The following FOXJ3 variants were observed in gnomAD, a reference collection of about 807,000 sequenced individuals.
FOXJ3 encodes forkhead box J3, also known as forkhead box protein J3.
A neutral mutation model predicts 76.1 loss-of-function variants in FOXJ3; 22 were observed. That is an observed-to-expected ratio of 0.29 (90% CI 0.21 to 0.41). FOXJ3 has a LOEUF of 0.41. FOXJ3 is among the 10% of genes least tolerant of loss of function. The probability of loss-of-function intolerance (pLI) is 1.00; values close to 1 mark genes in which losing one functional copy is unlikely to be tolerated. For missense variants in FOXJ3, 613 were observed against 762.1 expected, an observed-to-expected ratio of 0.80 and a Z score of 2.30; for synonymous variants, 269 against 261.2, an observed-to-expected ratio of 1.03 and a Z score of -0.29.
In FOXJ3 at chr1:42,183,795, T is replaced by A. The variant is rs190659461; in HGVS notation, c.1646-1771A>T. The stretch of plus-strand genomic sequence containing the variant: ...TTTACCCTCCAGTGGAAAGCCAGAC[T>A]ATCCAGGCTTGAGATGGCCTCAGAG... On this transcript the variant is annotated intron_variant, in intron 11 of 12. Coordinates refer to ENST00000361346, the MANE Select transcript of FOXJ3 (RefSeq NM_014947.5). Among the ~76,000 whole-genome samples, 262 of 152,226 alleles carry A rather than the reference T, an allele frequency of 1.7e-3. 3 individuals are homozygous for A. Among genetic ancestry groups the A allele is most frequent in the African/African-American group, 5.9e-3 (243 of 41,484 alleles).
intron 1 of FOXJ3, among the ~76,000 whole-genome samples, chr1:42,333,117 GAAC>G (rs1298581836): frequency 6.6e-6 from 1 of 151,826 alleles, no homozygotes; most frequent in African/African-American, 2.4e-5. Flanking sequence ...GTATGTATCA[GAAC>G]AACATTCTCC....
intron 12 of FOXJ3, among the ~76,000 whole-genome samples, chr1:42,180,327 C>A (rs905607970): frequency 6.6e-6 from 1 of 152,280 alleles, no homozygotes; most frequent in East Asian, 1.9e-4. Flanking sequence ...CAAGGGAACA[C>A]AGGAAACCAG....
rs1179313572 is a variant in FOXJ3, at chr1:42,177,495, A to T, written c.*2215T>A. 1 of 152,592 alleles carries T rather than the reference A, an allele frequency of 6.6e-6. No individual in the cohort carries two copies. Among genetic ancestry groups the T allele is most frequent in the Non-Finnish European group, 1.5e-5 (1 of 68,028 alleles). The allele number at this position is 152,592 out of a possible 1,614,324, so 9.5% of individuals were successfully genotyped here. A position where few individuals can be genotyped will look rare whatever the true frequency, so the allele number is the denominator to read the frequency against. ...ACAGTGACTTAAGCAAACCATTGAA[A>T]ATCACCCCTCTTTTTTCAAGCATTT... On this transcript the variant is annotated 3_prime_UTR_variant, in exon 13 of 13. Coordinates refer to ENST00000361346, the MANE Select transcript of FOXJ3 (RefSeq NM_014947.5).
chr1:42,331,326 G>A (rs540524258), intron 1 of FOXJ3, among the ~76,000 whole-genome samples: 6 of 152,188 alleles, frequency 3.9e-5, no homozygotes, highest in South Asian at 2.1e-4. Context: ...AGGTTGCAGC[G>A]AGCCGAGATG....
intron 3 of FOXJ3, among the ~76,000 whole-genome samples, chr1:42,267,796 G>A (rs914600057): frequency 1.5e-4 from 23 of 151,932 alleles, no homozygotes; most frequent in Admixed American, 1.2e-3. Flanking sequence ...AAATATAAAC[G>A]ATAGAAATAA....
chr1:42,203,995 C>CA (rs35629903), intron 6 of FOXJ3, among the ~76,000 whole-genome samples: 59,587 of 125,130 alleles, frequency 0.48, 14,923 homozygotes, highest in Non-Finnish European at 0.58. Flanking sequence ...GATCCTGTCT[C>CA]AAAAAAAAAA....
chr1:42,301,851 G>A (rs1654168830), intron 2 of FOXJ3, among the ~76,000 whole-genome samples: 1 of 152,022 alleles, frequency 6.6e-6, no homozygotes. Context: ...GAGTTAGTGT[G>A]ATCCTTCTGG....
At chr1:42,335,506 C>T (rs983158198), upstream of FOXJ3, 1 of 152,382 alleles carries the variant, frequency 6.6e-6, no homozygotes, top group African/African-American at 2.4e-5. Flanking sequence ...GAGGCAACCC[C>T]GCAGTTGAGG....
chr1:42,320,148 TA>T (rs747189919), intron 1 of FOXJ3, among the ~76,000 whole-genome samples: 3 of 152,130 alleles, frequency 2.0e-5, no homozygotes, highest in Non-Finnish European at 4.4e-5. Flanking sequence ...CAGTAGGAAA[TA>T]TACGTAACTG....
chr1:42,252,230 T>C (rs776472396), intron 4 of FOXJ3, among the ~76,000 whole-genome samples: 8 of 152,176 alleles, frequency 5.3e-5, no homozygotes, highest in African/African-American at 7.2e-5. Context: ...CTGGTAGAAT[T>C]TGGCTGTGAA....
intron 2 of FOXJ3, among the ~76,000 whole-genome samples, chr1:42,301,317 T>G (rs1015622348): frequency 3.9e-5 from 6 of 152,042 alleles, no homozygotes; most frequent in African/African-American, 1.4e-4. Context: ...TGCCTCAGCC[T>G]CCAAAGCAGC....
chr1:42,250,160 T>G (rs1263827566), intron 4 of FOXJ3, among the ~76,000 whole-genome samples: 2 of 152,192 alleles, frequency 1.3e-5, no homozygotes, highest in Non-Finnish European at 2.9e-5. Flanking sequence ...TAGAGGAGAC[T>G]AGTGGAAAGT....
chr1:42,191,596 T>G lies in FOXJ3; in HGVS notation c.1058A>C (p.His353Pro). ...HSNQSSLSNS[H>P]GSGLNTTGSN... ...GCCTGTGGTGTTGAGGCCACTGCCA[T>G]GACTGTTGGACAGGCTGCTTTGGTT... Residue 353 changes from histidine (H) to proline (P), a missense_variant, in exon 9 of 13, where the codon CAT becomes CCT. Physicochemically the swap from His to Pro is moderately conservative, Grantham distance 77. Coordinates refer to ENST00000361346, the MANE Select transcript of FOXJ3 (RefSeq NM_014947.5). The G allele has an allele frequency of 1.2e-6, 2 of 1,614,188 alleles. No homozygotes were observed. Among genetic ancestry groups the G allele is most frequent in the African/African-American group, 2.7e-5 (2 of 75,044 alleles).
intron 6 of FOXJ3, 115 bp downstream of exon 6, chr1:42,205,647 A>T (rs1646846621): frequency 1.5e-6 from 1 of 668,540 alleles, no homozygotes; most frequent in Non-Finnish European, 2.6e-6. Context: ...TGCATAGGGT[A>T]GACAAATTTA....
intron 2 of FOXJ3, 110 bp from the exon 3 acceptor site, chr1:42,278,782 C>T (rs1362894965): frequency 1.4e-6 from 1 of 734,836 alleles, no homozygotes; most frequent in East Asian, 2.5e-5. Context: ...GCCTGAGTTA[C>T]ATCTGGAGGA....
intron 3 of FOXJ3, among the ~76,000 whole-genome samples, chr1:42,267,758 C>A (rs1261967392): frequency 4.6e-5 from 7 of 151,760 alleles, no homozygotes; most frequent in African/African-American, 1.7e-4. Flanking sequence ...AGAATTTCAA[C>A]AGAAATGTGA....
intron 2 of FOXJ3, among the ~76,000 whole-genome samples, chr1:42,283,344 TGA>T: frequency 6.6e-6 from 1 of 152,164 alleles, no homozygotes; most frequent in East Asian, 1.9e-4. Context: ...AACTCAAAAC[TGA>T]GTCATAACAC....
intron 2 of FOXJ3, among the ~76,000 whole-genome samples, chr1:42,284,897 T>C (rs1331943338): frequency 1.3e-5 from 2 of 152,130 alleles, no homozygotes; most frequent in African/African-American, 2.4e-5. Flanking sequence ...ATCACAAATA[T>C]AACCAATGAG....
At chr1:42,234,539 C>T (rs900233564) in intron 4 of FOXJ3, among the ~76,000 whole-genome samples, 1 of 151,982 alleles carries the variant, frequency 6.6e-6, no homozygotes, top group Non-Finnish European at 1.5e-5. Flanking sequence ...TTTTGTCTAC[C>T]TTTGGTCTTT....
Sources: allele counts gnomAD v4.1 joint callset (sites outside exome capture counted in the v4.1 genomes callset), GRCh38; gene constraint gnomAD v4.1.1; transcripts MANE v1.5; gene names NCBI Gene and HGNC (gene_info 2026-07-23, HGNC 2026-07-21).